LRCH2: variants seen among roughly 807,000 people sequenced by gnomAD.
The protein encoded by LRCH2 is leucine rich repeats and calponin homology domain containing 2.
Under a neutral mutation model 68.9 loss-of-function variants are expected in LRCH2, and 38 were observed. That is an observed-to-expected ratio of 0.55 (90% confidence interval 0.43 to 0.72). LRCH2 has a LOEUF of 0.72. LRCH2 is among the 30% of genes least tolerant of loss of function. The pLI is 0.00. For missense variants in LRCH2, 528 were observed against 572.9 expected (o/e 0.92, Z 0.80); for synonymous variants, 191 against 208.1 (o/e 0.92, Z 0.71).
chrX:115,136,253 T>G (rs2072288844), intron 14 of LRCH2, among the ~76,000 whole-genome samples: 1 of 111,515 alleles, frequency 9.0e-6, no homozygotes, highest in Non-Finnish European at 1.9e-5. Context: ...AATCATCTCT[T>G]GATATCTGCA....
intron 11 of LRCH2, among the ~76,000 whole-genome samples, chrX:115,160,581 T>C (rs1169574088): frequency 9.0e-6 from 1 of 111,647 alleles, no homozygotes; most frequent in African/African-American, 3.3e-5. Context: ...AGGGTAATCT[T>C]AATCCAGTTA....
chrX:115,126,975 G>T, intron 15 of LRCH2, 82 bp from the exon 16 acceptor site: 1 of 619,282 alleles, frequency 1.6e-6, no homozygotes, highest in Non-Finnish European at 2.3e-6. Flanking sequence ...AATAAAAATT[G>T]TTCTGACCAA....
chrX:115,208,781 CTTAAG>C (rs1385612162), intron 1 of LRCH2, among the ~76,000 whole-genome samples: 1 of 112,008 alleles, frequency 8.9e-6, no homozygotes, highest in African/African-American at 3.2e-5. Flanking sequence ...AATTGTTAAA[CTTAAG>C]TTTAAGTGCT....
chrX:115,161,474 T>C (rs782554553), intron 11 of LRCH2, among the ~76,000 whole-genome samples: 1 of 112,321 alleles, frequency 8.9e-6, no homozygotes, highest in African/African-American at 3.2e-5. Flanking sequence ...AAAGTTCTTA[T>C]ATTAGTATGT....
Position 115,231,225 on chromosome X carries a change from TC to T in LRCH2, c.349+2467del, listed in dbSNP as rs1556578320. 8.5e-3 allele frequency among the ~76,000 whole-genome samples: 943 copies of T among 111,559 alleles called. 13 individuals carry two copies. Among genetic ancestry groups the T allele is most frequent in the African/African-American group, 0.03 (912 of 30,722 alleles). The stretch of plus-strand genomic sequence containing the variant: ...AATCGGTTTGGTTCTGAAACAGTAT[TC>T]CACTGAGTCATTTTAAGTATAACAA... On this transcript the variant is annotated intron_variant, in intron 1 of 20. Coordinates refer to ENST00000317135, the MANE Select transcript of LRCH2 (RefSeq NM_020871.4).
intron 20 of LRCH2, among the ~76,000 whole-genome samples, chrX:115,120,722 G>T (rs1190165242): frequency 3.2e-5 from 3 of 94,940 alleles, no homozygotes; most frequent in Non-Finnish European, 6.2e-5. Context: ...ACATGCACAC[G>T]TATGTTTATT....
At chrX:115,213,696 A>G (rs1396759648) in intron 1 of LRCH2, among the ~76,000 whole-genome samples, 1 of 112,002 alleles carries the variant, frequency 8.9e-6, no homozygotes, top group African/African-American at 3.2e-5. Context: ...TTGGGGCTAG[A>G]CCAATACAGC....
At chrX:115,228,887 G>C (rs1260791298) in intron 1 of LRCH2, among the ~76,000 whole-genome samples, 1 of 110,840 alleles carries the variant, frequency 9.0e-6, no homozygotes, top group Non-Finnish European at 1.9e-5. Context: ...TATGTGTACA[G>C]TATATTAAAA....
chrX:115,138,919 C>T (rs1556532939), intron 14 of LRCH2: 1 of 111,991 alleles, frequency 8.9e-6, no homozygotes, highest in Non-Finnish European at 1.9e-5. Flanking sequence ...AGTTTTATTA[C>T]ATCTAAATTC....
At chrX:115,171,570 A>G in intron 5 of LRCH2, among the ~76,000 whole-genome samples, 1 of 111,543 alleles carries the variant, frequency 9.0e-6, no homozygotes, top group Non-Finnish European at 1.9e-5. Flanking sequence ...TCTCTTGTAA[A>G]TTTTAACTTT....
At chrX:115,168,803 T>TA (rs1404247436) in intron 6 of LRCH2, among the ~76,000 whole-genome samples, 2 of 111,303 alleles carry the variant, frequency 1.8e-5, no homozygotes, top group Admixed American at 9.6e-5. Flanking sequence ...TAGTTTTTTT[T>TA]AAAAAAATGA....
At chrX:115,194,179 TTAACC>T (rs2072870101) in intron 1 of LRCH2, among the ~76,000 whole-genome samples, 1 of 111,614 alleles carries the variant, frequency 9.0e-6, no homozygotes, top group Non-Finnish European at 1.9e-5. Flanking sequence ...ATTCTCATTC[TTAACC>T]TTATGTAAAA....
At chrX:115,192,239 CCAA>C (rs781912579) in intron 1 of LRCH2, 2 of 1,155,549 alleles carry the variant, frequency 1.7e-6, no homozygotes, top group African/African-American at 1.8e-5. Flanking sequence ...CTCAACAGTT[CCAA>C]CAACAGTCAT....
intron 1 of LRCH2, among the ~76,000 whole-genome samples, chrX:115,217,214 G>C (rs2073047170): frequency 9.0e-6 from 1 of 111,310 alleles, no homozygotes. Context: ...AACTACACTT[G>C]TACCCCCAAA....
At chrX:115,223,483 A>C (rs782407119) in intron 1 of LRCH2, among the ~76,000 whole-genome samples, 1 of 111,218 alleles carries the variant, frequency 9.0e-6, no homozygotes, top group South Asian at 3.9e-4. Context: ...TCAGTAATGA[A>C]AAGACACCCC....
intron 3 of LRCH2, among the ~76,000 whole-genome samples, chrX:115,182,689 C>T (rs782461073): frequency 2.0e-4 from 22 of 107,604 alleles, no homozygotes; most frequent in East Asian, 5.8e-4. Context: ...AAAAATTAGC[C>T]GGGCGCGGTG....
intron 14 of LRCH2, among the ~76,000 whole-genome samples, chrX:115,142,313 G>A (rs782028877): frequency 1.6e-4 from 18 of 111,815 alleles, no homozygotes; most frequent in Non-Finnish European, 2.6e-4. Context: ...AGACCAAATG[G>A]ACCCAACAGA....
At chrX:115,137,137 A>G (rs1457573721) in intron 14 of LRCH2, among the ~76,000 whole-genome samples, 1 of 111,571 alleles carries the variant, frequency 9.0e-6, no homozygotes, top group Non-Finnish European at 1.9e-5. Context: ...ACACTAGAAT[A>G]AAGAAATTTA....
At chrX:115,150,174 T>C in intron 12 of LRCH2, 104 bp from the exon 13 acceptor site, 1 of 644,622 alleles carries the variant, frequency 1.6e-6, no homozygotes, top group Non-Finnish European at 2.2e-6. Flanking sequence ...TTGTAAAGAA[T>C]TTACCCATGT....
Sources: gnomAD v4.1 joint callset for allele counts (sites outside exome capture counted in the v4.1 genomes callset) on GRCh38, gnomAD v4.1.1 for gene constraint, MANE v1.5 for transcripts, NCBI Gene and HGNC (gene_info 2026-07-23, HGNC 2026-07-21) for gene names.